TRAK1: variants seen among roughly 807,000 people sequenced by gnomAD.
TRAK1 encodes the protein trafficking kinesin-binding protein 1.
TRAK1 carries 33 observed loss-of-function variants against 92.1 expected under a neutral mutation model. That is an observed-to-expected ratio of 0.36 (90% CI 0.27 to 0.48). The LOEUF (loss-of-function observed/expected upper bound fraction) is 0.48, where lower values mean the gene tolerates loss of function less well. TRAK1 is among the 20% of genes least tolerant of loss of function. The pLI is 0.99. For missense variants in TRAK1, 1,123 were observed against 1,257.9 expected (o/e 0.89, Z 1.62); for synonymous variants, 521 against 517.3 (o/e 1.01, Z -0.10).
intron 2 of TRAK1, among the ~76,000 whole-genome samples, chr3:42,131,033 A>G (rs915046125): frequency 1.3e-4 from 20 of 152,146 alleles, no homozygotes; most frequent in Non-Finnish European, 2.1e-4. Context: ...AGACATAGCA[A>G]GCGTTTATAC....
At chr3:42,114,864 C>T (rs1194683077) in intron 1 of TRAK1, among the ~76,000 whole-genome samples, 2 of 152,084 alleles carry the variant, frequency 1.3e-5, no homozygotes, top group Non-Finnish European at 2.9e-5. Flanking sequence ...TGGCGTGCAC[C>T]ACCACGTCTG....
At chr3:42,107,796 A>G (rs1001446343) in intron 1 of TRAK1, among the ~76,000 whole-genome samples, 6 of 151,972 alleles carry the variant, frequency 3.9e-5, no homozygotes, top group African/African-American at 1.2e-4. Flanking sequence ...GTGGCTTCAC[A>G]TTATAGAATT....
chr3:42,122,720 A>G (rs1256147467), intron 1 of TRAK1, among the ~76,000 whole-genome samples: 2 of 152,094 alleles, frequency 1.3e-5, no homozygotes, highest in Non-Finnish European at 2.9e-5. Context: ...ATGGTGGTTT[A>G]TTGCTAGTGG....
intron 3 of TRAK1, among the ~76,000 whole-genome samples, chr3:42,179,824 A>T (rs1183339316): frequency 1.3e-5 from 2 of 152,178 alleles, no homozygotes; most frequent in Non-Finnish European, 2.9e-5. Context: ...CCAAGGGCCT[A>T]AATTACTTGT....
At chr3:42,106,266 A>G (rs1707554334) in intron 1 of TRAK1, among the ~76,000 whole-genome samples, 1 of 152,256 alleles carries the variant, frequency 6.6e-6, no homozygotes, top group African/African-American at 2.4e-5. Context: ...TGCTGTATTC[A>G]GGAGACCCAT....
At chr3:42,209,620 G>T in intron 13 of TRAK1, 147 bp from the exon 14 acceptor site, 1 of 740,778 alleles carries the variant, frequency 1.3e-6, no homozygotes, top group Non-Finnish European at 2.2e-6. Flanking sequence ...CTCCACTGAA[G>T]TTCCCGCTGC....
intron 2 of TRAK1, among the ~76,000 whole-genome samples, chr3:42,137,130 G>A (rs572338604): frequency 2.6e-5 from 4 of 151,880 alleles, no homozygotes; most frequent in African/African-American, 9.7e-5. Context: ...AGGACATAAT[G>A]CATTTTAAAT....
intron 3 of TRAK1, among the ~76,000 whole-genome samples, chr3:42,183,565 A>C (rs1455013539): frequency 6.6e-6 from 1 of 151,082 alleles, no homozygotes; most frequent in Non-Finnish European, 1.5e-5. Flanking sequence ...AAAAAAAAAA[A>C]AAAAAAGAAA....
At chr3:42,072,421 G>T (rs574837212) in intron 1 of TRAK1, among the ~76,000 whole-genome samples, 2 of 152,184 alleles carry the variant, frequency 1.3e-5, no homozygotes, top group African/African-American at 4.8e-5. Context: ...CCAGCTGTAC[G>T]CAGGCTCTGC....
At chr3:42,107,383 G>T (rs369734053) in intron 1 of TRAK1, among the ~76,000 whole-genome samples, 1 of 152,018 alleles carries the variant, frequency 6.6e-6, no homozygotes, top group African/African-American at 2.4e-5. Flanking sequence ...GTGGTGGTGC[G>T]TGCCTGTAGT....
At chr3:42,184,911 G>T (rs9682658) in intron 4 of TRAK1, 110 bp downstream of exon 4, 2 of 1,094,628 alleles carry the variant, frequency 1.8e-6, no homozygotes, top group Non-Finnish European at 2.7e-6. Flanking sequence ...GGACGCTCCC[G>T]AGGGCACGAC....
chr3:42,085,416 G>A (rs974148635), upstream of TRAK1, among the ~76,000 whole-genome samples: 4 of 152,224 alleles, frequency 2.6e-5, no homozygotes, highest in Non-Finnish European at 2.9e-5. Context: ...TGATCTGCCC[G>A]CCTTGGCCTC....
At chr3:42,079,741 A>G (rs1253096410) in intron 1 of TRAK1, among the ~76,000 whole-genome samples, 2 of 151,898 alleles carry the variant, frequency 1.3e-5, no homozygotes, top group African/African-American at 4.8e-5. Flanking sequence ...TCGGCCTCCT[A>G]AAGTGCTAGG....
intron 2 of TRAK1, among the ~76,000 whole-genome samples, chr3:42,136,270 C>G (rs919832617): frequency 1.3e-5 from 2 of 152,068 alleles, no homozygotes; most frequent in African/African-American, 2.4e-5. Flanking sequence ...TGGCACCTAC[C>G]CTGTTCTTCA....
At chr3:42,157,014 G>C (rs569576960) in intron 2 of TRAK1, among the ~76,000 whole-genome samples, 1 of 151,982 alleles carries the variant, frequency 6.6e-6, no homozygotes, top group African/African-American at 2.4e-5. Context: ...TTAGCCAGGC[G>C]TGGTGGCGGG....
intron 2 of TRAK1, among the ~76,000 whole-genome samples, chr3:42,153,770 A>G (rs1576655132): frequency 6.6e-6 from 1 of 151,958 alleles, no homozygotes; most frequent in East Asian, 1.9e-4. Flanking sequence ...TGCGTGAGTG[A>G]AGTTTTGTTA....
intron 2 of TRAK1, among the ~76,000 whole-genome samples, chr3:42,159,087 C>T (rs1700930959): frequency 6.6e-6 from 1 of 151,962 alleles, no homozygotes; most frequent in African/African-American, 2.4e-5. Context: ...TACATGATGT[C>T]ATATTAGTCT....
rs376261412 is a variant in TRAK1 at position 42,224,457 on chromosome 3, AGCAGCCCCTC to A, written c.*721_*730del. ...TATTTACACTCATGCTGCGTTGTTC[AGCAGCCCCTC>A]TGTGTTCTGTGTGATTTGTTTTATT... On this transcript the variant is annotated 3_prime_UTR_variant, in exon 16 of 16. Coordinates refer to ENST00000327628, the MANE Select transcript of TRAK1 (RefSeq NM_001042646.3). The A allele has an allele frequency of 3.7e-3, 749 of 200,896 alleles. 8 individuals are homozygous for A. The highest frequency in any genetic ancestry group is 0.016 in the African/African-American group (687 of 41,794). 12.4% of individuals were successfully genotyped at this position (200,896 alleles called of 1,614,324 possible).
chr3:42,166,533 G>A (rs956661632), intron 2 of TRAK1, among the ~76,000 whole-genome samples: 1 of 152,162 alleles, frequency 6.6e-6, no homozygotes, highest in Non-Finnish European at 1.5e-5. Flanking sequence ...TGTCTGGTTT[G>A]TTAAATGAGG....
Sources: gnomAD v4.1 joint callset for allele counts (sites outside exome capture counted in the v4.1 genomes callset) on GRCh38, gnomAD v4.1.1 for gene constraint, MANE v1.5 for transcripts, NCBI Gene and HGNC (gene_info 2026-07-23, HGNC 2026-07-21) for gene names.